The following GDPD4 variants were observed in gnomAD, a reference collection of about 807,000 sequenced individuals.
GDPD4 encodes glycerophosphodiester phosphodiesterase 6.
A neutral mutation model predicts 67.8 loss-of-function variants in GDPD4; 60 were observed. That is an observed-to-expected ratio of 0.88 (90% CI 0.72 to 1.10). The LOEUF (loss-of-function observed/expected upper bound fraction) is 1.10, where lower values mean the gene tolerates loss of function less well. Ranked by LOEUF, GDPD4 falls within the 50% of genes least tolerant of loss-of-function variation. The pLI is 0.00. For missense variants in GDPD4, 623 were observed against 613.9 expected (o/e 1.01, Z -0.16); for synonymous variants, 212 against 210.9 (o/e 1.00, Z -0.04).
At chr11:77,228,499 CAAAAAAAAAA>C (rs58364800) in intron 15 of GDPD4, among the ~76,000 whole-genome samples, 30 of 26,642 alleles carry the variant, frequency 1.1e-3, no homozygotes, top group African/African-American at 3.1e-3. Flanking sequence ...GACTCCGTCT[CAAAAAAAAAA>C]AAAAAAAAAA....
At chr11:77,279,831 A>G in intron 3 of GDPD4, among the ~76,000 whole-genome samples, 1 of 152,072 alleles carries the variant, frequency 6.6e-6, no homozygotes, top group South Asian at 2.1e-4. Context: ...ATATTAAAAA[A>G]AAAGCCCCAA....
At chr11:77,243,616 G>T in intron 13 of GDPD4, 78 bp downstream of exon 13, 1 of 1,233,026 alleles carries the variant, frequency 8.1e-7, no homozygotes, top group Non-Finnish European at 1.2e-6. Flanking sequence ...GAAAGGGGAA[G>T]TTAAGAAGTT....
intron 16 of GDPD4, among the ~76,000 whole-genome samples, chr11:77,225,206 C>G (rs1030440384): frequency 6.6e-6 from 1 of 151,640 alleles, no homozygotes; most frequent in African/African-American, 2.4e-5. Context: ...AAGACTGAGG[C>G]AGGAGAATCG....
At chr11:77,289,689 C>T (rs528174039) in intron 1 of GDPD4, among the ~76,000 whole-genome samples, 1 of 150,802 alleles carries the variant, frequency 6.6e-6, no homozygotes, top group Admixed American at 6.6e-5. Flanking sequence ...TGAGATTGCA[C>T]CACTGCACTC....
intron 11 of GDPD4, among the ~76,000 whole-genome samples, chr11:77,256,772 C>T (rs1959010825): frequency 6.6e-6 from 1 of 152,126 alleles, no homozygotes; most frequent in Non-Finnish European, 1.5e-5. Context: ...CCCTCTCTCG[C>T]CATATGACAT....
At chr11:77,280,834 C>A (rs1041186222) in intron 3 of GDPD4, among the ~76,000 whole-genome samples, 2 of 151,964 alleles carry the variant, frequency 1.3e-5, no homozygotes, top group African/African-American at 4.8e-5. Flanking sequence ...ATGGTAGTGG[C>A]GTGAAAAAAG....
Position 77,271,185 on chromosome 11 carries a change from CA to C in GDPD4, c.344del (p.Val115GlyfsTer22). 6.2e-7 allele frequency: 1 copy of C among 1,612,120 alleles called. No individual in the cohort carries two copies. On this transcript the variant is annotated frameshift_variant, in exon 7 of 17. Transcript: ENST00000315938. LOFTEE classifies it high-confidence loss of function. Reference protein sequence around the residue: ...APYVHLVSITVMVILFWPVAF... With the variant: ...APYVHLVSITXMVILFWPVAF... Reference sequence around the variant, plus strand: ...CCACAGGCCAGAAAAGGATAACCATCACAGTTATGCTGACCAGGTGCACGTA... The same window carrying C: ...CCACAGGCCAGAAAAGGATAACCATCCAGTTATGCTGACCAGGTGCACGTA...
In GDPD4 at chr11:77,271,348, T is replaced by G. The variant is rs1427579073; in HGVS notation, c.253A>C (p.Ile85Leu). 1.2e-6 allele frequency: 2 copies of G among 1,613,792 alleles called. No individual in the cohort carries two copies. Among genetic ancestry groups the G allele is most frequent in the Admixed American group, 1.7e-5 (1 of 60,002 alleles). The change falls in exon 6 of 17, where the codon ATT becomes CTT. Residue 85 changes from isoleucine to leucine, a missense_variant. Ile to Leu is a conservative substitution (Grantham distance 5, BLOSUM62 2). Transcript: ENST00000315938. ...CTTTCTTTCCAGAATTTGCATATAA[T>G]GAACATTAAAATGACACACAGAAGA... The part of the protein sequence containing the change: ...VILLCVILMF[I>L]ICKFWKERWL...
intron 11 of GDPD4, among the ~76,000 whole-genome samples, chr11:77,252,384 A>G (rs907369900): frequency 6.6e-6 from 1 of 151,982 alleles, no homozygotes; most frequent in African/African-American, 2.4e-5. Context: ...TACTGTATCT[A>G]TGTTTTTGTT....
At chr11:77,269,755 A>G (rs1016405171) in intron 8 of GDPD4, 128 bp downstream of exon 8, 2 of 605,910 alleles carry the variant, frequency 3.3e-6, no homozygotes, top group Admixed American at 3.1e-5. Context: ...CCTGTACACA[A>G]TGCCTGCGAT....
At chr11:77,237,087 A>C (rs1051623416) in intron 13 of GDPD4, among the ~76,000 whole-genome samples, 1 of 152,226 alleles carries the variant, frequency 6.6e-6, no homozygotes, top group African/African-American at 2.4e-5. Flanking sequence ...GGAGCATGAC[A>C]CATAAACTAG....
chr11:77,248,104 A>C (rs1490042524), intron 11 of GDPD4, among the ~76,000 whole-genome samples: 1 of 151,714 alleles, frequency 6.6e-6, no homozygotes, highest in East Asian at 1.9e-4. Flanking sequence ...GGACAATTAA[A>C]CCTGTCCAAT....
In GDPD4 at chr11:77,229,235, GA is replaced by G. The variant is rs1163975477; in HGVS notation, c.1390-4del. ...ATGAACACATAGAACTTTGGTGTCTGAAAAACATAAACCACAGTGAAAGAAC... is the reference window on the plus strand; with the variant it reads ...ATGAACACATAGAACTTTGGTGTCTGAAAACATAAACCACAGTGAAAGAAC... On this transcript the variant is annotated splice_polypyrimidine_tract_variant and splice_region_variant and intron_variant, in intron 14 of 16. Coordinates refer to ENST00000315938, the MANE Select transcript of GDPD4 (RefSeq NM_182833.3). 6.3e-7 allele frequency: 1 copy of G among 1,581,718 alleles called. No individual in the cohort carries two copies. The highest frequency in any genetic ancestry group is 8.6e-7 in the Non-Finnish European group (1 of 1,156,762).
intron 10 of GDPD4, among the ~76,000 whole-genome samples, chr11:77,260,448 C>T (rs1959095590): frequency 6.6e-6 from 1 of 152,068 alleles, no homozygotes; most frequent in Non-Finnish European, 1.5e-5. Context: ...CAACTATCTG[C>T]TAGAAAATGA....
At position 77,268,539 on chromosome 11, in the gene GDPD4, A is replaced by G. The variant is rs1240389931; in HGVS notation, c.625T>C (p.Leu209=). 15 of 1,609,716 alleles carry G rather than the reference A, an allele frequency of 9.3e-6. No individual in the cohort carries two copies. Among genetic ancestry groups the G allele is most frequent in the East Asian group, 2.2e-5 (1 of 44,818 alleles). The change falls in exon 10 of 17, where the codon TTG becomes CTG. Residue 209 remains leucine (L), a splice_region_variant and synonymous_variant. Transcript: ENST00000315938. Reference sequence around the variant, plus strand: ...GACATCATGGTATTCTCAGGCCCCAACTGTAGAAGAAAAGGACATCAGGCC... The same window carrying G: ...GACATCATGGTATTCTCAGGCCCCAGCTGTAGAAGAAAAGGACATCAGGCC... ...TIFGHRGAPM[L]GPENTMMSFE...
chr11:77,234,033 T>C (rs1958503531), intron 13 of GDPD4, among the ~76,000 whole-genome samples: 1 of 152,148 alleles, frequency 6.6e-6, no homozygotes, highest in East Asian at 1.9e-4. Flanking sequence ...TCAGAAAACA[T>C]ACCATGTAAA....
intron 16 of GDPD4, among the ~76,000 whole-genome samples, chr11:77,217,859 G>A (rs1240956496): frequency 6.6e-6 from 1 of 152,070 alleles, no homozygotes; most frequent in African/African-American, 2.4e-5. Flanking sequence ...ACAAAAACAA[G>A]AAAACATCTT....
chr11:77,279,946 C>T (rs1959681079), intron 3 of GDPD4, among the ~76,000 whole-genome samples: 1 of 152,142 alleles, frequency 6.6e-6, no homozygotes, highest in Admixed American at 6.5e-5. Flanking sequence ...TTTGAATCTT[C>T]ATCTCAAGAA....
At chr11:77,218,036 CT>C (rs1046892240) in intron 16 of GDPD4, among the ~76,000 whole-genome samples, 5 of 148,240 alleles carry the variant, frequency 3.4e-5, no homozygotes, top group Non-Finnish European at 3.0e-5. Context: ...ATATTCAAAG[CT>C]TTTTTTTTAA....
Sources: allele counts gnomAD v4.1 joint callset (sites outside exome capture counted in the v4.1 genomes callset), GRCh38; gene constraint gnomAD v4.1.1; transcripts MANE v1.5; gene names NCBI Gene and HGNC (gene_info 2026-07-23, HGNC 2026-07-21).